ZPLD1: variants seen among roughly 807,000 people sequenced by gnomAD.
The protein encoded by ZPLD1 is zona pellucida-like domain-containing protein 1.
ZPLD1 carries 34 observed loss-of-function variants against 47.2 expected under a neutral mutation model. That is an observed-to-expected ratio of 0.72 (90% confidence interval 0.55 to 0.96). ZPLD1 has a LOEUF of 0.96. Ranked by LOEUF, ZPLD1 falls within the 40% of genes least tolerant of loss-of-function variation. ZPLD1 has a pLI of 0.00. For missense variants in ZPLD1, 512 were observed against 505.8 expected, an observed-to-expected ratio of 1.01 and a Z score of -0.12; for synonymous variants, 176 against 186.2, an observed-to-expected ratio of 0.95 and a Z score of 0.45.
Position 102,467,836 on chromosome 3 carries a change from TACACAC to T in ZPLD1, c.762-1093_762-1088del, listed in dbSNP as rs61096565. ...ATTTAACTACGTAAGAATAAAACTG[TACACAC>T]ACACACACACACACACACACACACA... On this transcript the variant is annotated intron_variant, in intron 8 of 11. Transcript: ENST00000466937. Among the ~76,000 whole-genome samples the T allele has an allele frequency of 1.5e-3, 208 of 140,978 alleles. 2 individuals are homozygous for T. Among genetic ancestry groups the T allele is most frequent in the African/African-American group, 3.1e-3 (119 of 38,256 alleles). The allele number at this position is 140,978 out of a possible 152,430, so 92.5% of individuals were successfully genotyped here.
intron 7 of ZPLD1, among the ~76,000 whole-genome samples, chr3:102,398,165 G>C (rs1413298803): frequency 6.6e-6 from 1 of 151,996 alleles, no homozygotes; most frequent in Non-Finnish European, 1.5e-5. Context: ...CAATTCTCAA[G>C]GAAGGGGATT....
rs60085952 is a variant in ZPLD1 at position 102,435,637 on chromosome 3, A to ATTT, written c.-123+502_-123+504dup. 2.2e-4 allele frequency among the ~76,000 whole-genome samples: 26 copies of ATTT among 117,378 alleles called. 1 individual carries two copies. The highest frequency in any genetic ancestry group is 4.8e-4 in the East Asian group (2 of 4,194). The allele number at this position is 117,378 out of a possible 152,430, so 77.0% of individuals were successfully genotyped here. A position where few individuals can be genotyped will look rare whatever the true frequency, so the allele number is the denominator to read the frequency against. ...TGTAAAGTCTATGATCATCATCTTGATTTTTTTTTTTTTTTTTTTTTCTGA... is the reference window on the plus strand; with the variant it reads ...TGTAAAGTCTATGATCATCATCTTGATTTTTTTTTTTTTTTTTTTTTTTTCTGA... On this transcript the variant is annotated intron_variant, in intron 1 of 11. Transcript: ENST00000466937.
chr3:102,456,286 A>G lies in ZPLD1; in HGVS notation c.421A>G (p.Thr141Ala). The G allele has an allele frequency of 1.2e-6, 2 of 1,613,962 alleles. No individual in the cohort carries two copies. The highest frequency in any genetic ancestry group is 1.3e-5 in the African/African-American group (1 of 75,052). Residue 141 changes from threonine to alanine, a missense_variant, in exon 5 of 12, where the codon ACA becomes GCA. Thr to Ala is a moderately conservative substitution (Grantham distance 58). Coordinates refer to ENST00000466937, the MANE Select transcript of ZPLD1 (RefSeq NM_001329788.2). ...ATATATTGATACTCCAGACCCACCA[A>G]CAATCATCAGCTATCTACCTGGGCT... ...SGYIDTPDPPTIISYLPGLLY... is the reference protein window; with the variant it reads ...SGYIDTPDPPAIISYLPGLLY...
At chr3:102,444,738 AG>A (rs1313643809) in intron 3 of ZPLD1, among the ~76,000 whole-genome samples, 1 of 152,210 alleles carries the variant, frequency 6.6e-6, no homozygotes, top group African/African-American at 2.4e-5. Context: ...CATGCCACAA[AG>A]CACTCTGCAG....
intron 8 of ZPLD1, among the ~76,000 whole-genome samples, chr3:102,421,612 T>C (rs1706880397): frequency 6.6e-6 from 1 of 151,896 alleles, no homozygotes; most frequent in Admixed American, 6.6e-5. Flanking sequence ...TATTTATCAA[T>C]TCTATTAAAA....
chr3:102,469,719 A>T (rs1236200778), intron 9 of ZPLD1, among the ~76,000 whole-genome samples: 1 of 152,182 alleles, frequency 6.6e-6, no homozygotes, highest in East Asian at 1.9e-4. Context: ...GGTGCTGGAA[A>T]GGTAGATTGT....
At position 102,470,507 on chromosome 3, in the gene ZPLD1, G is replaced by A. The variant is rs747161062; in HGVS notation, c.1042+5G>A. The A allele has an allele frequency of 5.0e-5, 81 of 1,612,176 alleles. No homozygotes were observed. The highest frequency in any genetic ancestry group is 6.7e-5 in the Non-Finnish European group (79 of 1,178,352). On this transcript the variant is annotated splice_donor_5th_base_variant and intron_variant, in intron 10 of 11. Coordinates refer to ENST00000466937, the MANE Select transcript of ZPLD1 (RefSeq NM_001329788.2). ...GTCCCATCATTACTCGGAGTGGTAA[G>A]TGTGCTCCTCCTTCTGTATGTAGTA... is the stretch of plus-strand genomic sequence containing the variant.
intron 7 of ZPLD1, among the ~76,000 whole-genome samples, chr3:102,393,743 C>T (rs1405062461): frequency 6.6e-6 from 1 of 151,808 alleles, no homozygotes; most frequent in Non-Finnish European, 1.5e-5. Flanking sequence ...ATTTAAGCTA[C>T]TATCACTTTG....
At chr3:102,433,515 A>G (rs1040313898), upstream of ZPLD1, among the ~76,000 whole-genome samples, 1 of 152,170 alleles carries the variant, frequency 6.6e-6, no homozygotes, top group East Asian at 1.9e-4. Flanking sequence ...TCAATTTTTG[A>G]AAAGAACAAT....
chr3:102,391,582 G>A (rs773253022), intron 6 of ZPLD1, among the ~76,000 whole-genome samples: 28 of 152,134 alleles, frequency 1.8e-4, no homozygotes, highest in African/African-American at 4.1e-4. Context: ...AAGCAACCCC[G>A]TGGAGGAGCC....
upstream of ZPLD1, among the ~76,000 whole-genome samples, chr3:102,432,712 A>G (rs964371454): frequency 5.9e-5 from 9 of 152,104 alleles, no homozygotes; most frequent in African/African-American, 1.9e-4. Context: ...AGGTTAATGC[A>G]GATTTTTAAA....
At chr3:102,453,368 C>T (rs1486554915) in intron 4 of ZPLD1, among the ~76,000 whole-genome samples, 1 of 152,180 alleles carries the variant, frequency 6.6e-6, no homozygotes, top group African/African-American at 2.4e-5. Flanking sequence ...GTCAGCTGTG[C>T]CCCTCTAAGC....
At chr3:102,408,624 G>T (rs1706718120) in intron 7 of ZPLD1, among the ~76,000 whole-genome samples, 1 of 151,668 alleles carries the variant, frequency 6.6e-6, no homozygotes, top group African/African-American at 2.4e-5. Context: ...ATTTAACTTT[G>T]CTTCTCAACT....
chr3:102,386,518 T>C (rs1706427064), intron 6 of ZPLD1, among the ~76,000 whole-genome samples: 2 of 152,198 alleles, frequency 1.3e-5, no homozygotes, highest in Admixed American at 1.3e-4. Flanking sequence ...TGAAAATGTA[T>C]TCTTAACCAG....
intron 4 of ZPLD1, among the ~76,000 whole-genome samples, chr3:102,453,409 A>C (rs1349200891): frequency 6.6e-6 from 1 of 152,176 alleles, no homozygotes; most frequent in Non-Finnish European, 1.5e-5. Context: ...ACACTGACGG[A>C]TCTGTCTCTA....
At chr3:102,448,375 T>C (rs1274353624) in intron 3 of ZPLD1, among the ~76,000 whole-genome samples, 2 of 152,236 alleles carry the variant, frequency 1.3e-5, no homozygotes, top group Non-Finnish European at 2.9e-5. Flanking sequence ...GTGTAGCTGT[T>C]GAGAGCAACT....
Position 102,438,478 on chromosome 3 carries a change from A to G in ZPLD1, c.-8-2A>G. 4 of 1,611,180 alleles carry G rather than the reference A, an allele frequency of 2.5e-6. No homozygotes were observed. Among genetic ancestry groups the G allele is most frequent in the Non-Finnish European group, 3.4e-6 (4 of 1,177,374 alleles). ...TCCACATGATAGATATCTCTTTTCC[A>G]GGTTTTGCAATGGAACAAATATGGT... On this transcript the variant is annotated splice_acceptor_variant, in intron 2 of 11. Transcript: ENST00000466937. LOFTEE classifies it low-confidence loss of function (5UTR_SPLICE).
At chr3:102,465,747 T>G (rs150638470) in intron 8 of ZPLD1, among the ~76,000 whole-genome samples, 3 of 152,304 alleles carry the variant, frequency 2.0e-5, no homozygotes, top group South Asian at 2.1e-4. Context: ...GAAAAAAAAT[T>G]TCCCAAATGT....
intron 8 of ZPLD1, among the ~76,000 whole-genome samples, chr3:102,420,078 A>T (rs771872696): frequency 1.3e-5 from 2 of 151,856 alleles, no homozygotes; most frequent in Non-Finnish European, 2.9e-5. Context: ...ATTCAGAGTC[A>T]CTGCTGATTA....
Sources: gnomAD v4.1 joint callset for allele counts (sites outside exome capture counted in the v4.1 genomes callset) on GRCh38, gnomAD v4.1.1 for gene constraint, MANE v1.5 for transcripts, NCBI Gene and HGNC (gene_info 2026-07-23, HGNC 2026-07-21) for gene names.